The following OR1J2 variants were observed in gnomAD, a reference collection of about 807,000 sequenced individuals.
OR1J2 encodes olfactory receptor 1J2.
For synonymous variants in OR1J2, 142 were observed against 99.7 expected (o/e 1.42, Z -2.52); for missense variants, 304 against 246.1 (o/e 1.24, Z -1.57).
chr9:122,494,878 G>C, the OR1J2 span, among the ~76,000 whole-genome samples: 2 of 152,254 alleles, frequency 1.3e-5, no homozygotes, highest in African/African-American at 4.8e-5. Context: ...GTACTGACTT[G>C]GTAGTGGTGA....
the OR1J2 span, among the ~76,000 whole-genome samples, chr9:122,566,157 C>G: frequency 1.3e-5 from 2 of 152,216 alleles, no homozygotes; most frequent in Non-Finnish European, 2.9e-5. Flanking sequence ...TGCATCCTAT[C>G]AAATTATCAA....
chr9:122,562,106 G>T, the OR1J2 span, among the ~76,000 whole-genome samples: 1 of 152,334 alleles, frequency 6.6e-6, no homozygotes, highest in East Asian at 1.9e-4. Context: ...GCCTGAAGAG[G>T]CACTCTGGCT....
the OR1J2 span, among the ~76,000 whole-genome samples, chr9:122,447,707 C>G: frequency 1.3e-5 from 2 of 152,060 alleles, no homozygotes; most frequent in East Asian, 3.8e-4. Flanking sequence ...TCCTCCGCTC[C>G]TCCTTCCTTT....
the OR1J2 span, among the ~76,000 whole-genome samples, chr9:122,454,047 C>T: frequency 6.6e-6 from 1 of 152,228 alleles, no homozygotes; most frequent in Non-Finnish European, 1.5e-5. Flanking sequence ...ACTCTGAGGT[C>T]TTCTCTCCAA....
At chr9:122,567,051 T>C in the OR1J2 span, 1 of 152,092 alleles carries the variant, frequency 6.6e-6, no homozygotes, top group African/African-American at 2.4e-5. Context: ...TAAAACATTT[T>C]TAGAAGGAGA....
At chr9:122,471,974 C>T in the OR1J2 span, among the ~76,000 whole-genome samples, 3 of 152,296 alleles carry the variant, frequency 2.0e-5, 1 homozygote, top group Admixed American at 2.0e-4. Flanking sequence ...ACATAAAATA[C>T]AATTACTTCT....
At chr9:122,509,775 A>C (rs1270005135), upstream of OR1J2, among the ~76,000 whole-genome samples, 1 of 152,204 alleles carries the variant, frequency 6.6e-6, no homozygotes, top group African/African-American at 2.4e-5. Context: ...TTAAAGGTCA[A>C]TGGGAATCCT....
the OR1J2 span, among the ~76,000 whole-genome samples, chr9:122,517,394 CT>C: frequency 6.6e-6 from 1 of 152,116 alleles, no homozygotes; most frequent in Non-Finnish European, 1.5e-5. Context: ...TGTTGGCTGC[CT>C]TTTGGTAAGT....
the OR1J2 span, among the ~76,000 whole-genome samples, chr9:122,480,627 G>T: frequency 6.6e-6 from 1 of 150,502 alleles, no homozygotes. Context: ...AAATGTATTT[G>T]CTTCTTTTTT....
chr9:122,488,828 CTGTA>C, the OR1J2 span, among the ~76,000 whole-genome samples: 4 of 151,492 alleles, frequency 2.6e-5, no homozygotes, highest in African/African-American at 9.7e-5. Flanking sequence ...TTGTGAGGCA[CTGTA>C]AGTAAAGAAA....
the OR1J2 span, among the ~76,000 whole-genome samples, chr9:122,536,453 A>G: frequency 6.6e-6 from 1 of 152,210 alleles, no homozygotes; most frequent in African/African-American, 2.4e-5. Context: ...AAGGACAGAG[A>G]AGAGAGGCAA....
At chr9:122,542,411 T>C in the OR1J2 span, among the ~76,000 whole-genome samples, 3 of 152,194 alleles carry the variant, frequency 2.0e-5, no homozygotes, top group African/African-American at 7.2e-5. Context: ...ACAAACTGTT[T>C]TCCAAAATAT....
At chr9:122,539,649 C>G in the OR1J2 span, among the ~76,000 whole-genome samples, 6,491 of 152,132 alleles carry the variant, frequency 0.043, 468 homozygotes, top group African/African-American at 0.15. Flanking sequence ...ATGGCTGGGT[C>G]AAATGGTATT....
chr9:122,468,964 C>T, the OR1J2 span, among the ~76,000 whole-genome samples: 1 of 152,178 alleles, frequency 6.6e-6, no homozygotes, highest in African/African-American at 2.4e-5. Context: ...TCCTTGGGAG[C>T]AATTCCTGTG....
At chr9:122,520,586 G>A in the OR1J2 span, among the ~76,000 whole-genome samples, 2 of 152,136 alleles carry the variant, frequency 1.3e-5, no homozygotes, top group Non-Finnish European at 2.9e-5. Flanking sequence ...AGAACTTGAG[G>A]TTCCTCTTCT....
At chr9:122,478,778 TTTTG>T in the OR1J2 span, among the ~76,000 whole-genome samples, 101 of 152,324 alleles carry the variant, frequency 6.6e-4, no homozygotes, top group African/African-American at 2.1e-3. Context: ...TCTGATCTTT[TTTTG>T]TTTGTTTGTT....
chr9:122,453,729 G>T, the OR1J2 span, among the ~76,000 whole-genome samples: 1 of 152,188 alleles, frequency 6.6e-6, no homozygotes, highest in Non-Finnish European at 1.5e-5. Context: ...TTGAATGCCT[G>T]CCTGTATTGT....
At chr9:122,506,792 TAGAC>T (rs967493580), upstream of OR1J2, among the ~76,000 whole-genome samples, 3 of 151,826 alleles carry the variant, frequency 2.0e-5, no homozygotes, top group East Asian at 1.9e-4. Context: ...GTGGCAGACA[TAGAC>T]AGGATGAGAG....
the OR1J2 span, among the ~76,000 whole-genome samples, chr9:122,576,291 A>T: frequency 1.3e-5 from 2 of 152,038 alleles, no homozygotes; most frequent in Non-Finnish European, 2.9e-5. Context: ...GCATGAGCTC[A>T]GCCCACTGCA....
Sources: allele counts gnomAD v4.1 joint callset (sites outside exome capture counted in the v4.1 genomes callset), GRCh38; gene constraint gnomAD v4.1.1; transcripts MANE v1.5; gene names NCBI Gene and HGNC (gene_info 2026-07-23, HGNC 2026-07-21).